The following GTF2H1 variants were observed in gnomAD, a reference collection of about 807,000 sequenced individuals.
GTF2H1 encodes general transcription factor IIH subunit 1, also known as BTF2 p62.
A neutral mutation model predicts 71.2 loss-of-function variants in GTF2H1; 16 were observed. That is an observed-to-expected ratio of 0.22 (90% confidence interval 0.15 to 0.34). GTF2H1 has a LOEUF of 0.34. Among genes scored for constraint, GTF2H1 ranks in the 10% least tolerant of loss-of-function variants. The probability of loss-of-function intolerance (pLI) is 1.00; values close to 1 mark genes in which losing one functional copy is unlikely to be tolerated. For missense variants in GTF2H1, 498 were observed against 648.2 expected (o/e 0.77, Z 2.52); for synonymous variants, 215 against 219.0 (o/e 0.98, Z 0.16).
At chr11:18,360,077 A>G (rs149579385) in intron 13 of GTF2H1, among the ~76,000 whole-genome samples, 99 of 152,068 alleles carry the variant, frequency 6.5e-4, no homozygotes, top group African/African-American at 2.3e-3. Context: ...CTGTCTCTAA[A>G]TGAATGAATA....
chr11:18,327,798 G>C (rs1045215392), intron 1 of GTF2H1, among the ~76,000 whole-genome samples: 1 of 152,128 alleles, frequency 6.6e-6, no homozygotes, highest in African/African-American at 2.4e-5. Context: ...TATGTTGCAC[G>C]GGCTGGTCGC....
At chr11:18,353,668 G>C (rs2133982793) in intron 11 of GTF2H1, among the ~76,000 whole-genome samples, 1 of 152,310 alleles carries the variant, frequency 6.6e-6, no homozygotes, top group East Asian at 1.9e-4. Flanking sequence ...TGAGCACTGA[G>C]GCACTGAGTG....
At chr11:18,336,166 G>C (rs541367696) in intron 3 of GTF2H1, among the ~76,000 whole-genome samples, 1 of 152,024 alleles carries the variant, frequency 6.6e-6, no homozygotes, top group Non-Finnish European at 1.5e-5. Context: ...TCGCTCTGTC[G>C]CCTAGGCTGG....
intron 4 of GTF2H1, among the ~76,000 whole-genome samples, chr11:18,338,914 A>G (rs1865094572): frequency 6.6e-6 from 1 of 152,152 alleles, no homozygotes; most frequent in African/African-American, 2.4e-5. Flanking sequence ...TTTTTCAAAT[A>G]TTTTCAAATG....
chr11:18,366,146 T>G lies in GTF2H1; in HGVS notation c.*277T>G. 1 of 346,770 alleles carries G rather than the reference T, an allele frequency of 2.9e-6. No homozygotes were observed. The highest frequency in any genetic ancestry group is 5.2e-6 in the Non-Finnish European group (1 of 192,006). 21.5% of individuals were successfully genotyped at this position (346,770 alleles called of 1,614,324 possible). On this transcript the variant is annotated 3_prime_UTR_variant, in exon 15 of 15. Transcript: ENST00000265963. Reference sequence around the variant, plus strand: ...ACACACACATATATGTACATGTGTATGTACATATATATTTTAAAAGACTGT... The same window carrying G: ...ACACACACATATATGTACATGTGTAGGTACATATATATTTTAAAAGACTGT...
intron 1 of GTF2H1, chr11:18,324,330 A>G (rs1335642669): frequency 6.6e-6 from 1 of 152,248 alleles, no homozygotes; most frequent in Non-Finnish European, 1.5e-5. Flanking sequence ...GATATAAAAT[A>G]CACATTGCAG....
intron 2 of GTF2H1, among the ~76,000 whole-genome samples, chr11:18,334,677 G>A (rs1017896397): frequency 1.3e-5 from 2 of 152,164 alleles, no homozygotes; most frequent in Non-Finnish European, 2.9e-5. Context: ...TTGAAGGAAT[G>A]CCCACATCTG....
At chr11:18,328,837 GAA>G (rs1864831057) in intron 1 of GTF2H1, among the ~76,000 whole-genome samples, 1 of 151,242 alleles carries the variant, frequency 6.6e-6, no homozygotes, top group East Asian at 1.9e-4. Context: ...AAAAAAAAAA[GAA>G]TATGGAATCA....
At chr11:18,327,607 G>A (rs1409743530) in intron 1 of GTF2H1, among the ~76,000 whole-genome samples, 3 of 152,124 alleles carry the variant, frequency 2.0e-5, no homozygotes, top group African/African-American at 7.2e-5. Flanking sequence ...TAAGCATTCA[G>A]CAAATTCTAG....
intron 7 of GTF2H1, among the ~76,000 whole-genome samples, chr11:18,343,664 T>C (rs1311982912): frequency 6.6e-6 from 1 of 152,224 alleles, no homozygotes; most frequent in Non-Finnish European, 1.5e-5. Context: ...GAGCTCTAGC[T>C]GCCTACTTGA....
chr11:18,362,194 A>C (rs537143881), intron 14 of GTF2H1, among the ~76,000 whole-genome samples: 3 of 152,240 alleles, frequency 2.0e-5, no homozygotes, highest in South Asian at 2.1e-4. Flanking sequence ...TACTGTAAAC[A>C]GTTTTAACAC....
intron 1 of GTF2H1, among the ~76,000 whole-genome samples, chr11:18,323,805 TTTGAAA>T (rs1408095273): frequency 7.2e-6 from 1 of 139,364 alleles, no homozygotes; most frequent in African/African-American, 3.3e-5. Flanking sequence ...TGGAACACAG[TTTGAAA>T]ACCACTGAAC....
chr11:18,346,733 C>CTTTTTTTTTT (rs35494754), intron 7 of GTF2H1, among the ~76,000 whole-genome samples: 9 of 85,216 alleles, frequency 1.1e-4, no homozygotes, highest in Admixed American at 3.6e-4. Flanking sequence ...TTTTTATTTA[C>CTTTTTTTTTT]TTTTTTTTTT....
intron 4 of GTF2H1, among the ~76,000 whole-genome samples, chr11:18,338,777 T>C (rs548892641): frequency 2.8e-4 from 43 of 152,318 alleles, no homozygotes; most frequent in African/African-American, 8.4e-4. Context: ...AAAATACATA[T>C]AATTTTTTTT....
rs1466049570 is a variant in GTF2H1, at chr11:18,328,525, A to AG, written c.-15-4535_-15-4534insG. On this transcript the variant is annotated intron_variant, in intron 1 of 14. Transcript: ENST00000265963. ...AAGACTCCATCTCAAAAAAAAAAAA[A>AG]AAAATTTTATGGAATCATGCCAGGC... 7.6e-4 allele frequency among the ~76,000 whole-genome samples: 113 copies of AG among 149,230 alleles called. 1 individual carries two copies. Among genetic ancestry groups the AG allele is most frequent in the African/African-American group, 2.5e-3 (103 of 40,410 alleles).
chr11:18,332,756 CTA>C (rs1203905300), intron 1 of GTF2H1: 1 of 183,180 alleles, frequency 5.5e-6, no homozygotes, highest in Non-Finnish European at 1.1e-5. Flanking sequence ...ATATGAAAGA[CTA>C]CACATTTTCA....
rs559007578 is a variant in GTF2H1 at position 18,338,284 on chromosome 11, C to T, written c.513+10C>T. 1.3e-6 allele frequency: 2 copies of T among 1,580,866 alleles called. No individual in the cohort carries two copies. Among genetic ancestry groups the T allele is most frequent in the Admixed American group, 1.7e-5 (1 of 59,460 alleles). On this transcript the variant is annotated intron_variant, in intron 4 of 14. Transcript: ENST00000265963. ...TTCTGCTGCATTTCTGGTATGTGAG[C>T]CTTCTAGATTTCTGAAGAAAATAAA... is the stretch of plus-strand genomic sequence containing the variant.
chr11:18,362,015 C>T (rs1310088921), intron 14 of GTF2H1, among the ~76,000 whole-genome samples: 1 of 152,210 alleles, frequency 6.6e-6, no homozygotes, highest in African/African-American at 2.4e-5. Context: ...TCACGTGTTG[C>T]TTAACCACAG....
rs555518974 is a variant in GTF2H1, at chr11:18,340,786, A to G, written c.608-475A>G. 5.3e-5 allele frequency among the ~76,000 whole-genome samples: 8 copies of G among 152,060 alleles called. No homozygotes were observed. The East Asian group carries it at 1.3e-3, about 26-fold the overall frequency. On this transcript the variant is annotated intron_variant, in intron 5 of 14. Coordinates refer to ENST00000265963, the MANE Select transcript of GTF2H1 (RefSeq NM_005316.4). ...GTAATTTGCTCAGGGTCACACAGAT[A>G]GAAAGTGGCAGACCTGGAATTTTAA...
Sources: allele counts gnomAD v4.1 joint callset (sites outside exome capture counted in the v4.1 genomes callset), GRCh38; gene constraint gnomAD v4.1.1; transcripts MANE v1.5; gene names NCBI Gene and HGNC (gene_info 2026-07-23, HGNC 2026-07-21).